KIF16B: variants seen among roughly 807,000 people sequenced by gnomAD.
KIF16B encodes the protein kinesin family member 16B, also known as kinesin-like protein KIF16B.
Under a neutral mutation model 156.3 loss-of-function variants are expected in KIF16B, and 98 were observed. The observed-to-expected ratio is 0.63, with a 90% CI of 0.53 to 0.74. The LOEUF (loss-of-function observed/expected upper bound fraction) is 0.74. KIF16B is among the 30% of genes least tolerant of loss of function. The pLI, the probability that KIF16B is intolerant of heterozygous loss-of-function variation, is 0.00. For synonymous variants in KIF16B, 564 were observed against 583.7 expected (o/e 0.97, Z 0.49); for missense variants, 1,421 against 1,606.5 (o/e 0.88, Z 1.97).
At chr20:16,409,411 T>C (rs964435517) in intron 15 of KIF16B, among the ~76,000 whole-genome samples, 5 of 151,966 alleles carry the variant, frequency 3.3e-5, no homozygotes, top group Admixed American at 1.3e-4. Flanking sequence ...TGTTTCAGGA[T>C]GTAAAGGATC....
intron 16 of KIF16B, among the ~76,000 whole-genome samples, chr20:16,405,965 C>G (rs1036954997): frequency 6.6e-6 from 1 of 152,136 alleles, no homozygotes; most frequent in Admixed American, 6.6e-5. Context: ...AAACCCACCC[C>G]TGCTCTCGCT....
intron 17 of KIF16B, among the ~76,000 whole-genome samples, chr20:16,386,728 G>A (rs1201936680): frequency 1.3e-5 from 2 of 151,952 alleles, no homozygotes; most frequent in African/African-American, 4.8e-5. Context: ...AAAGGGTAGC[G>A]CCATAGCTGA....
At position 16,323,182 on chromosome 20, in the gene KIF16B, T is replaced by C. The variant is rs190206230; in HGVS notation, c.3712-10764A>G. ...ATTTACTAGTCATTTTCTTTACTCC[T>C]GTGATATTTGGCTATCTAACTTTTA... On this transcript the variant is annotated intron_variant, in intron 24 of 25. Coordinates refer to ENST00000354981, the MANE Select transcript of KIF16B (RefSeq NM_024704.5). Among the ~76,000 whole-genome samples, 1,457 of 152,130 alleles carry C rather than the reference T, an allele frequency of 9.6e-3. 23 individuals are homozygous for C. The highest frequency in any genetic ancestry group is 0.033 in the African/African-American group (1,362 of 41,536).
chr20:16,513,002 G>A (rs867039846), intron 4 of KIF16B, 79 bp from the exon 5 acceptor site: 1 of 1,048,380 alleles, frequency 9.5e-7, no homozygotes, highest in East Asian at 2.4e-5. Flanking sequence ...TTGCTGGCAT[G>A]AAGTTAGACT....
intron 25 of KIF16B, among the ~76,000 whole-genome samples, chr20:16,275,220 A>AT (rs2063042856): frequency 6.6e-6 from 1 of 151,918 alleles, no homozygotes; most frequent in South Asian, 2.1e-4. Context: ...TGCCCAGCTA[A>AT]TTTTTTTGTA....
intron 12 of KIF16B, among the ~76,000 whole-genome samples, chr20:16,452,260 A>ATCT (rs2067102182): frequency 6.6e-6 from 1 of 152,184 alleles, no homozygotes; most frequent in African/African-American, 2.4e-5. Context: ...CAGCAAAAGA[A>ATCT]GCTACAGGAT....
At chr20:16,413,951 G>T (rs772292086) in intron 15 of KIF16B, among the ~76,000 whole-genome samples, 5 of 151,944 alleles carry the variant, frequency 3.3e-5, no homozygotes, top group African/African-American at 4.8e-5. Context: ...AAACTTGCTT[G>T]TGTGTGACAT....
intron 1 of KIF16B, among the ~76,000 whole-genome samples, chr20:16,550,519 T>G (rs1044868728): frequency 6.8e-6 from 1 of 147,594 alleles, no homozygotes; most frequent in East Asian, 2.0e-4. Flanking sequence ...TTAAAACACA[T>G]GAAACATTCT....
At position 16,506,258 on chromosome 20, in the gene KIF16B, TCTAA is replaced by T. The variant is rs1288674733; in HGVS notation, c.700-72_700-69del. 1.3e-5 allele frequency: 18 copies of T among 1,347,890 alleles called. No homozygotes were observed. The African/African-American group carries it at 1.9e-4, about 14-fold the overall frequency. 83.5% of individuals were successfully genotyped at this position (1,347,890 alleles called of 1,614,324 possible). ...CCCTGATGTTGTTGATGATATGAAT[TCTAA>T]CTATTTTCTGCTCCTCACTGAGATC... On this transcript the variant is annotated intron_variant, in intron 7 of 25. Coordinates refer to ENST00000354981, the MANE Select transcript of KIF16B (RefSeq NM_024704.5).
chr20:16,514,823 T>C lies in KIF16B; in HGVS notation c.348+725A>G, dbSNP rs143535032. Among the ~76,000 whole-genome samples the C allele has an allele frequency of 3.0e-3, 433 of 142,706 alleles. 3 individuals carry two copies. The highest frequency in any genetic ancestry group is 0.011 in the African/African-American group (399 of 37,362). 93.6% of individuals were successfully genotyped at this position (142,706 alleles called of 152,430 possible). On this transcript the variant is annotated intron_variant, in intron 4 of 25. Transcript: ENST00000354981. ...ATCACTTGAAACCAGGAGGCAGAGC[T>C]TGCAGCGAGCTGAGATCGCACCACT...
At chr20:16,453,451 A>G (rs2067137386) in intron 12 of KIF16B, among the ~76,000 whole-genome samples, 1 of 152,160 alleles carries the variant, frequency 6.6e-6, no homozygotes, top group Non-Finnish European at 1.5e-5. Flanking sequence ...ATACACATAC[A>G]TCTATAAATA....
intron 12 of KIF16B, among the ~76,000 whole-genome samples, chr20:16,435,309 T>C (rs1204426690): frequency 6.6e-6 from 1 of 152,362 alleles, no homozygotes; most frequent in East Asian, 1.9e-4. Flanking sequence ...TGTTGGGCAG[T>C]ATGGTACTTA....
chr20:16,288,140 T>C (rs1274631402), intron 25 of KIF16B, among the ~76,000 whole-genome samples: 1 of 152,214 alleles, frequency 6.6e-6, no homozygotes, highest in Admixed American at 6.5e-5. Context: ...ACTATGGCTG[T>C]TTGAGCTCTA....
intron 24 of KIF16B, among the ~76,000 whole-genome samples, chr20:16,332,309 AACC>A (rs2063961651): frequency 6.6e-6 from 1 of 152,152 alleles, no homozygotes; most frequent in Admixed American, 6.5e-5. Flanking sequence ...GATGTCCGAG[AACC>A]ACATGAGATG....
intron 12 of KIF16B, among the ~76,000 whole-genome samples, chr20:16,450,327 C>T (rs1412245933): frequency 1.3e-5 from 2 of 152,098 alleles, no homozygotes; most frequent in African/African-American, 4.8e-5. Flanking sequence ...TACAAATAAG[C>T]CCCAACTCTA....
At chr20:16,314,952 C>T (rs1568842549) in intron 24 of KIF16B, among the ~76,000 whole-genome samples, 1 of 152,124 alleles carries the variant, frequency 6.6e-6, no homozygotes, top group South Asian at 2.1e-4. Context: ...ACGTGCCTCC[C>T]GCTTCCCCCG....
chr20:16,280,614 T>G (rs2063130282), intron 25 of KIF16B, among the ~76,000 whole-genome samples: 1 of 152,172 alleles, frequency 6.6e-6, no homozygotes, highest in Non-Finnish European at 1.5e-5. Context: ...AGGAAGTAAC[T>G]GAGATTCCAA....
At chr20:16,314,155 A>G (rs2063662027) in intron 24 of KIF16B, among the ~76,000 whole-genome samples, 1 of 152,096 alleles carries the variant, frequency 6.6e-6, no homozygotes, top group Non-Finnish European at 1.5e-5. Context: ...TGTGGTTCAT[A>G]TTTGCATTTC....
chr20:16,564,981 C>G (rs2071200644), intron 1 of KIF16B, among the ~76,000 whole-genome samples: 1 of 152,100 alleles, frequency 6.6e-6, no homozygotes, highest in Non-Finnish European at 1.5e-5. Context: ...CTTCCTCTCT[C>G]CATGCCCCTT....
Sources: gnomAD v4.1 joint callset for allele counts (sites outside exome capture counted in the v4.1 genomes callset) on GRCh38, gnomAD v4.1.1 for gene constraint, MANE v1.5 for transcripts, NCBI Gene and HGNC (gene_info 2026-07-23, HGNC 2026-07-21) for gene names.